Variants in CDIN1 observed in about 807,000 individuals in gnomAD.
The protein encoded by CDIN1 is CDAN1-interacting nuclease 1.
In CDIN1, 33 loss-of-function variants were observed where a neutral mutation model predicts 45.3. The ratio of observed to expected loss-of-function variants is 0.73; its 90% CI spans 0.55 to 0.97. The LOEUF (loss-of-function observed/expected upper bound fraction) is 0.97. Among genes scored for constraint, CDIN1 ranks in the 50% least tolerant of loss-of-function variants. The pLI is 0.00. For synonymous variants in CDIN1, 118 were observed against 124.4 expected (o/e 0.95, Z 0.34); for missense variants, 303 against 339.4 (o/e 0.89, Z 0.84).
intron 1 of CDIN1, among the ~76,000 whole-genome samples, chr15:36,636,967 A>G (rs723830): frequency 0.51 from 77,852 of 152,096 alleles, 20,238 homozygotes; most frequent in Admixed American, 0.59. Context: ...GAAACATTAC[A>G]TATAGTGGGT....
chr15:36,803,283 A>G lies in CDIN1; in HGVS notation c.717-5041A>G, dbSNP rs553116376. On this transcript the variant is annotated intron_variant, in intron 10 of 10. Coordinates refer to ENST00000566621, the MANE Select transcript of CDIN1 (RefSeq NM_001321759.2). ...AAGGAGGAGTATTGCTGTATAGTGC[A>G]AGTTAGGAGCTAAGAAGCTCAGTTG... 2.0e-5 allele frequency among the ~76,000 whole-genome samples: 3 copies of G among 150,226 alleles called. No individual in the cohort carries two copies. In the East Asian group the frequency reaches 5.9e-4, roughly 29 times the overall value.
At chr15:36,727,635 T>C (rs1347189257) in intron 10 of CDIN1, among the ~76,000 whole-genome samples, 1 of 152,188 alleles carries the variant, frequency 6.6e-6, no homozygotes, top group African/African-American at 2.4e-5. Flanking sequence ...AATATCAGAG[T>C]TGCATAAAAA....
intron 1 of CDIN1, chr15:36,618,695 A>G (rs1714793556): frequency 1.2e-6 from 1 of 802,446 alleles, no homozygotes; most frequent in Non-Finnish European, 2.3e-6. Context: ...ACTTCTGCCC[A>G]GCAACTCAGT....
intron 10 of CDIN1, among the ~76,000 whole-genome samples, chr15:36,788,096 ATATATATATATTTTTTT>A (rs1331455325): frequency 2.9e-5 from 1 of 34,472 alleles, no homozygotes; most frequent in Non-Finnish European, 5.3e-5. Flanking sequence ...ATATATATAT[ATATATATATATTTTTTT>A]TTTTTTTTTT....
At chr15:36,716,083 A>G (rs1445655187) in intron 10 of CDIN1, among the ~76,000 whole-genome samples, 1 of 152,160 alleles carries the variant, frequency 6.6e-6, no homozygotes, top group African/African-American at 2.4e-5. Context: ...AATGACTTAA[A>G]TCAAAGAAAA....
intron 10 of CDIN1, among the ~76,000 whole-genome samples, chr15:36,712,087 C>A (rs1375465034): frequency 6.6e-6 from 1 of 152,046 alleles, no homozygotes; most frequent in Admixed American, 6.6e-5. Context: ...TTCTCTCCCA[C>A]CTGTAGGTAG....
rs972153279 is a variant in CDIN1, at chr15:36,692,024, G to A, written c.427-102G>A. 1.8e-4 allele frequency: 209 copies of A among 1,138,088 alleles called. 1 individual carries two copies. Among genetic ancestry groups the A allele is most frequent in the Admixed American group, 1.1e-3 (40 of 35,040 alleles). 70.5% of individuals were successfully genotyped at this position (1,138,088 alleles called of 1,614,324 possible). A position where few individuals can be genotyped will look rare whatever the true frequency, so the allele number is the denominator to read the frequency against. ...TGATAGCTTTCTTTTTTTGGGGGGC[G>A]GGGGTGGGGGAAGAAAAGTAATTAC... On this transcript the variant is annotated intron_variant, in intron 6 of 10. Transcript: ENST00000566621.
intron 5 of CDIN1, among the ~76,000 whole-genome samples, chr15:36,681,145 T>C (rs1014393440): frequency 2.0e-5 from 3 of 152,024 alleles, no homozygotes; most frequent in Non-Finnish European, 4.4e-5. Context: ...ATTTTATATA[T>C]TTGCATATAT....
At chr15:36,792,077 A>G (rs1322783155) in intron 10 of CDIN1, among the ~76,000 whole-genome samples, 1 of 152,192 alleles carries the variant, frequency 6.6e-6, no homozygotes, top group East Asian at 1.9e-4. Context: ...GGCAGTTTGC[A>G]GCCAGGAACG....
intron 8 of CDIN1, chr15:36,705,143 A>G (rs2042816258): frequency 6.6e-6 from 1 of 152,204 alleles, no homozygotes; most frequent in Admixed American, 6.5e-5. Flanking sequence ...CCCTCTAAAG[A>G]CAGTCCTGAC....
intron 1 of CDIN1, among the ~76,000 whole-genome samples, chr15:36,629,906 G>T (rs1237304641): frequency 6.6e-6 from 1 of 152,100 alleles, no homozygotes; most frequent in Admixed American, 6.5e-5. Context: ...TTGTATATGT[G>T]CATACATATA....
chr15:36,657,708 T>C (rs1346992328), intron 4 of CDIN1, 125 bp from the exon 5 acceptor site: 2 of 702,210 alleles, frequency 2.8e-6, no homozygotes, highest in African/African-American at 3.6e-5. Flanking sequence ...GTGGGAAAGA[T>C]TTTAATGAAT....
chr15:36,800,909 G>A (rs12898777), intron 10 of CDIN1, among the ~76,000 whole-genome samples: 7,099 of 20,528 alleles, frequency 0.35, 1,598 homozygotes, highest in Non-Finnish European at 0.48. Flanking sequence ...GTGTGTGTGT[G>A]TATATATATA....
chr15:36,640,434 A>G (rs996818222), intron 1 of CDIN1, among the ~76,000 whole-genome samples: 1 of 152,158 alleles, frequency 6.6e-6, no homozygotes, highest in Admixed American at 6.5e-5. Context: ...TTGTAGGAGT[A>G]TCCTGCTTTA....
intron 7 of CDIN1, 63 bp from the exon 8 acceptor site, chr15:36,697,260 G>A: frequency 1.4e-6 from 2 of 1,390,024 alleles, no homozygotes; most frequent in South Asian, 1.2e-5. Context: ...TATAGACCTG[G>A]TATTAGCGTT....
intron 1 of CDIN1, among the ~76,000 whole-genome samples, chr15:36,642,233 T>A (rs2040138837): frequency 6.6e-6 from 1 of 152,206 alleles, no homozygotes; most frequent in Non-Finnish European, 1.5e-5. Context: ...CCTTATGGTG[T>A]GACATTTGGT....
At chr15:36,587,197 G>T (rs2037343934) in intron 1 of CDIN1, among the ~76,000 whole-genome samples, 1 of 151,784 alleles carries the variant, frequency 6.6e-6, no homozygotes, top group South Asian at 2.1e-4. Context: ...TTTGAAGCAT[G>T]TTTTTTTTCT....
intron 6 of CDIN1, 92 bp from the exon 7 acceptor site, chr15:36,692,034 G>GCGCCCC: frequency 2.0e-6 from 2 of 1,013,940 alleles, no homozygotes; most frequent in Non-Finnish European, 2.7e-6. Flanking sequence ...GGGGGTGGGG[G>GCGCCCC]AAGAAAAGTA....
intron 10 of CDIN1, among the ~76,000 whole-genome samples, chr15:36,766,628 G>C (rs548572093): frequency 6.6e-6 from 1 of 152,166 alleles, no homozygotes; most frequent in Non-Finnish European, 1.5e-5. Context: ...GGTGAGCGGT[G>C]ATATCTCTTT....
Sources: gnomAD v4.1 joint callset for allele counts (sites outside exome capture counted in the v4.1 genomes callset) on GRCh38, gnomAD v4.1.1 for gene constraint, MANE v1.5 for transcripts, NCBI Gene and HGNC (gene_info 2026-07-23, HGNC 2026-07-21) for gene names.